RARB: variants seen among roughly 807,000 people sequenced by gnomAD.
The protein encoded by RARB is HBV-activated protein.
Under a neutral mutation model 51.9 loss-of-function variants are expected in RARB, and 17 were observed. The observed-to-expected ratio is 0.33, with a 90% CI of 0.22 to 0.49. RARB has a LOEUF of 0.49. Ranked by LOEUF, RARB falls within the 20% of genes least tolerant of loss-of-function variation. RARB has a pLI of 0.99. For synonymous variants in RARB, 215 were observed against 195.4 expected, an observed-to-expected ratio of 1.10 and a Z score of -0.84; for missense variants, 369 against 550.8, an observed-to-expected ratio of 0.67 and a Z score of 3.30.
chr3:25,313,745 T>G (rs1219678393), intron 5 of RARB, among the ~76,000 whole-genome samples: 3 of 152,120 alleles, frequency 2.0e-5, no homozygotes, highest in African/African-American at 7.2e-5. Context: ...TACAAAATTA[T>G]GTACAAAAGG....
chr3:25,300,408 T>A (rs1017019650), intron 5 of RARB, among the ~76,000 whole-genome samples: 3 of 152,208 alleles, frequency 2.0e-5, no homozygotes, highest in African/African-American at 7.2e-5. Flanking sequence ...GACAATCTAG[T>A]CTCTGAATCA....
chr3:25,415,538 A>C (rs1259954599), intron 5 of RARB, among the ~76,000 whole-genome samples: 3 of 152,080 alleles, frequency 2.0e-5, no homozygotes, highest in Admixed American at 2.0e-4. Context: ...TTGTTCCAGC[A>C]CTATTTTTAG....
chr3:24,871,029 G>A (rs781764025), intron 2 of RARB, among the ~76,000 whole-genome samples: 5 of 150,944 alleles, frequency 3.3e-5, no homozygotes, highest in African/African-American at 4.9e-5. Flanking sequence ...CCCATCCTCC[G>A]GTAACCATCA....
chr3:25,272,389 A>C (rs900116822), intron 5 of RARB, among the ~76,000 whole-genome samples: 1 of 152,200 alleles, frequency 6.6e-6, no homozygotes, highest in African/African-American at 2.4e-5. Context: ...CTTGTGGTCT[A>C]GATAATACTG....
chr3:25,177,028 G>C (rs1700768566), intron 5 of RARB, among the ~76,000 whole-genome samples: 1 of 152,166 alleles, frequency 6.6e-6, no homozygotes, highest in South Asian at 2.1e-4. Context: ...AAGGTGTTTG[G>C]AGAAGGGGCA....
intron 5 of RARB, among the ~76,000 whole-genome samples, chr3:25,262,548 G>A (rs1220954735): frequency 6.6e-6 from 1 of 152,130 alleles, no homozygotes; most frequent in Non-Finnish European, 1.5e-5. Context: ...CCAGGCTCTA[G>A]AGGCCATCTG....
intron 1 of RARB, among the ~76,000 whole-genome samples, chr3:25,455,357 G>A (rs1327866295): frequency 6.6e-6 from 1 of 152,180 alleles, no homozygotes; most frequent in Non-Finnish European, 1.5e-5. Flanking sequence ...CTTCACCATT[G>A]ATAGTCTGAA....
intron 2 of RARB, among the ~76,000 whole-genome samples, chr3:25,054,767 G>C (rs1470528378): frequency 4.6e-5 from 7 of 152,130 alleles, no homozygotes; most frequent in Non-Finnish European, 8.8e-5. Context: ...AGACAACCCT[G>C]CTTTGGAATC....
chr3:25,186,905 G>A (rs534138099), intron 5 of RARB, among the ~76,000 whole-genome samples: 87 of 148,942 alleles, frequency 5.8e-4, no homozygotes, highest in African/African-American at 2.1e-3. Flanking sequence ...GTGTGTGTGT[G>A]TGTGTGTGTG....
At chr3:25,366,749 ACT>A (rs1484673984) in intron 5 of RARB, among the ~76,000 whole-genome samples, 1 of 151,996 alleles carries the variant, frequency 6.6e-6, no homozygotes, top group Non-Finnish European at 1.5e-5. Flanking sequence ...GCACACATGA[ACT>A]CTCTGTGGCA....
At chr3:25,587,676 G>C (rs1027850343) in intron 5 of RARB, among the ~76,000 whole-genome samples, 24 of 152,156 alleles carry the variant, frequency 1.6e-4, no homozygotes, top group Admixed American at 3.9e-4. Context: ...GTTCCCATGA[G>C]CTCATCACAA....
intron 3 of RARB, among the ~76,000 whole-genome samples, chr3:25,531,722 TTAA>T (rs1176832555): frequency 1.1e-4 from 13 of 119,032 alleles, no homozygotes; most frequent in African/African-American, 5.7e-4. Flanking sequence ...TATAGACACT[TTAA>T]AAAAAAAAAA....
intron 1 of RARB, among the ~76,000 whole-genome samples, chr3:24,831,051 T>C (rs985362595): frequency 1.3e-5 from 2 of 152,124 alleles, no homozygotes; most frequent in Non-Finnish European, 2.9e-5. Context: ...ATAGCCTCCT[T>C]TGACACATCT....
intron 2 of RARB, among the ~76,000 whole-genome samples, chr3:25,471,936 T>C (rs187716091): frequency 3.9e-5 from 6 of 152,294 alleles, no homozygotes; most frequent in East Asian, 1.9e-4. Context: ...TCAGCCCCCC[T>C]CTACCTTCTC....
chr3:25,413,793 T>A (rs1265087461), intron 5 of RARB, among the ~76,000 whole-genome samples: 2 of 152,248 alleles, frequency 1.3e-5, no homozygotes, highest in African/African-American at 4.8e-5. Context: ...GGCATTGAGC[T>A]GCAACACACT....
At chr3:24,897,671 T>C (rs918911834) in intron 2 of RARB, among the ~76,000 whole-genome samples, 3 of 152,050 alleles carry the variant, frequency 2.0e-5, no homozygotes, top group Admixed American at 6.6e-5. Flanking sequence ...ATTCCTTTTA[T>C]ACTCAATGAA....
intron 5 of RARB, among the ~76,000 whole-genome samples, chr3:25,186,024 A>T (rs1700967228): frequency 6.6e-6 from 1 of 152,154 alleles, no homozygotes; most frequent in Non-Finnish European, 1.5e-5. Context: ...TGGAAAAAGA[A>T]CAAAATTTGA....
At chr3:25,245,938 A>G (rs1702548982) in intron 5 of RARB, among the ~76,000 whole-genome samples, 1 of 152,108 alleles carries the variant, frequency 6.6e-6, no homozygotes, top group Non-Finnish European at 1.5e-5. Context: ...CATTTTCCTC[A>G]TCACTTTCAG....
At chr3:25,101,797 T>C (rs1262679044) in intron 3 of RARB, among the ~76,000 whole-genome samples, 28 of 152,112 alleles carry the variant, frequency 1.8e-4, no homozygotes, top group Admixed American at 1.8e-3. Context: ...CAACATACAT[T>C]CCCACCAAGA....
Sources: gnomAD v4.1 joint callset for allele counts (sites outside exome capture counted in the v4.1 genomes callset) on GRCh38, gnomAD v4.1.1 for gene constraint, MANE v1.5 for transcripts, NCBI Gene and HGNC (gene_info 2026-07-23, HGNC 2026-07-21) for gene names.